Variants in ARHGAP26 observed in about 807,000 individuals in gnomAD.
The protein encoded by ARHGAP26 is Rho GTPase activating protein 26.
ARHGAP26 carries 38 observed loss-of-function variants against 104.8 expected under a neutral mutation model. That is an observed-to-expected ratio of 0.36 (90% CI 0.28 to 0.48). The LOEUF is 0.48. Among genes scored for constraint, ARHGAP26 ranks in the 20% least tolerant of loss-of-function variants. The pLI is 0.99. For synonymous variants in ARHGAP26, 341 were observed against 340.0 expected, an observed-to-expected ratio of 1.00 and a Z score of -0.03; for missense variants, 704 against 947.9, an observed-to-expected ratio of 0.74 and a Z score of 3.38.
intron 17 of ARHGAP26, among the ~76,000 whole-genome samples, chr5:143,109,979 C>G (rs1449572056): frequency 6.6e-6 from 1 of 152,192 alleles, no homozygotes; most frequent in Non-Finnish European, 1.5e-5. Context: ...TACTTGCCCT[C>G]TTGCTCTCTG....
At chr5:143,114,658 C>T (rs926028662) in intron 17 of ARHGAP26, among the ~76,000 whole-genome samples, 12 of 152,126 alleles carry the variant, frequency 7.9e-5, no homozygotes, top group Non-Finnish European at 1.3e-4. Context: ...ACCTATAATA[C>T]TTTCAGAATT....
chr5:143,024,286 G>A (rs1424824204), intron 12 of ARHGAP26, among the ~76,000 whole-genome samples: 1 of 152,050 alleles, frequency 6.6e-6, no homozygotes, highest in Non-Finnish European at 1.5e-5. Context: ...AAGCCTTTCT[G>A]CTTGTCCTAA....
chr5:143,033,783 C>G (rs1174759567), intron 12 of ARHGAP26, among the ~76,000 whole-genome samples: 1 of 145,956 alleles, frequency 6.9e-6, no homozygotes, highest in Non-Finnish European at 1.5e-5. Context: ...TTTTTCTCTC[C>G]CAGACTTCTT....
intron 17 of ARHGAP26, among the ~76,000 whole-genome samples, chr5:143,116,693 T>C (rs935562941): frequency 2.0e-5 from 3 of 152,160 alleles, no homozygotes; most frequent in Non-Finnish European, 4.4e-5. Flanking sequence ...GTGATTTACC[T>C]CCTTCTGCCT....
chr5:143,030,403 G>T (rs1164470807), intron 12 of ARHGAP26, among the ~76,000 whole-genome samples: 1 of 152,196 alleles, frequency 6.6e-6, no homozygotes, highest in Non-Finnish European at 1.5e-5. Flanking sequence ...AATGCAGGAG[G>T]TCTAAAAGTG....
At position 143,131,046 on chromosome 5, in the gene ARHGAP26, A is replaced by G. The variant is rs529456110; in HGVS notation, c.1699-2921A>G. Among the ~76,000 whole-genome samples, 14 of 152,314 alleles carry G rather than the reference A, an allele frequency of 9.2e-5. 1 individual carries two copies. In the South Asian group the frequency reaches 2.9e-3, roughly 32 times the overall value. On this transcript the variant is annotated intron_variant, in intron 18 of 22. Transcript: ENST00000645722. The stretch of plus-strand genomic sequence containing the variant: ...ACCCAGGGAACTGACCCTTGGGACT[A>G]TGGCTCTTGCCCATGGCAAAAATCT...
intron 10 of ARHGAP26, among the ~76,000 whole-genome samples, chr5:142,930,555 C>T (rs1253465894): frequency 6.6e-6 from 1 of 152,052 alleles, no homozygotes; most frequent in Non-Finnish European, 1.5e-5. Context: ...TCAACACGCC[C>T]ACTCATCTAG....
At chr5:142,851,899 TAGC>T (rs1347592222) in intron 1 of ARHGAP26, among the ~76,000 whole-genome samples, 4 of 152,192 alleles carry the variant, frequency 2.6e-5, no homozygotes, top group African/African-American at 9.7e-5. Context: ...CCTGAGGTCA[TAGC>T]AGGTTATTCA....
chr5:142,957,621 G>A (rs184712040), intron 11 of ARHGAP26, among the ~76,000 whole-genome samples: 2 of 152,330 alleles, frequency 1.3e-5, no homozygotes, highest in African/African-American at 4.8e-5. Context: ...TACGTAGTTT[G>A]ATCTAGATTT....
intron 7 of ARHGAP26, 75 bp downstream of exon 7, chr5:142,902,114 C>A: frequency 7.5e-7 from 1 of 1,330,138 alleles, no homozygotes; most frequent in Non-Finnish European, 1.1e-6. Flanking sequence ...GCCCTAGAAA[C>A]CATCCAGGTG....
chr5:142,906,429 C>A (rs1337274462), intron 8 of ARHGAP26, among the ~76,000 whole-genome samples: 1 of 152,184 alleles, frequency 6.6e-6, no homozygotes, highest in East Asian at 1.9e-4. Flanking sequence ...TTCCACCAAC[C>A]CCTCCACATT....
At position 142,873,449 on chromosome 5, in the gene ARHGAP26, A is replaced by G; in HGVS notation, c.204A>G (p.Lys68=). ...RKFADSLNEF[K]FQCIGDAETD... The stretch of plus-strand genomic sequence containing the variant: ...TTGCAGATTCCTTAAATGAATTTAA[A>G]TTTCAGTGCATAGGAGATGCAGAAA... Residue 68 remains lysine (K), a synonymous_variant, in exon 2 of 23, where the codon AAA becomes AAG. Transcript: ENST00000645722. 1.2e-6 allele frequency: 2 copies of G among 1,603,052 alleles called. No homozygotes were observed. The highest frequency in any genetic ancestry group is 3.5e-5 in the Admixed American group (2 of 56,482).
At chr5:143,050,797 G>A (rs1784896408) in intron 14 of ARHGAP26, among the ~76,000 whole-genome samples, 1 of 152,160 alleles carries the variant, frequency 6.6e-6, no homozygotes, top group African/African-American at 2.4e-5. Flanking sequence ...CTTGGATAGA[G>A]GATTGATCAT....
chr5:143,161,191 T>C (rs1801195792), intron 20 of ARHGAP26, among the ~76,000 whole-genome samples: 1 of 151,976 alleles, frequency 6.6e-6, no homozygotes, highest in African/African-American at 2.4e-5. Flanking sequence ...GTTGTATTTT[T>C]AGCAGAGACG....
At chr5:142,996,796 C>T (rs1405825118) in intron 11 of ARHGAP26, among the ~76,000 whole-genome samples, 2 of 151,962 alleles carry the variant, frequency 1.3e-5, no homozygotes, top group Non-Finnish European at 2.9e-5. Flanking sequence ...AGGTGGGGCA[C>T]CATCTGCATG....
At chr5:142,916,221 G>A (rs183242297) in intron 10 of ARHGAP26, among the ~76,000 whole-genome samples, 87 of 152,308 alleles carry the variant, frequency 5.7e-4, no homozygotes, top group Admixed American at 1.4e-3. Context: ...TGAAGTATGT[G>A]ACTTAGAATA....
chr5:143,013,420 T>C (rs1382703312), intron 11 of ARHGAP26, among the ~76,000 whole-genome samples: 1 of 152,250 alleles, frequency 6.6e-6, no homozygotes, highest in Admixed American at 6.5e-5. Flanking sequence ...GCATTTTCTT[T>C]TTCTTTATTG....
intron 11 of ARHGAP26, among the ~76,000 whole-genome samples, chr5:142,952,631 T>C (rs1768574830): frequency 6.6e-6 from 1 of 152,212 alleles, no homozygotes. Flanking sequence ...AAGGTACTTA[T>C]ATTTACTCTT....
chr5:142,916,954 C>T (rs1421552698), intron 10 of ARHGAP26, among the ~76,000 whole-genome samples: 1 of 151,940 alleles, frequency 6.6e-6, no homozygotes. Flanking sequence ...GTGGTGAGGC[C>T]GTTTACTCAG....
Sources: gnomAD v4.1 joint callset for allele counts (sites outside exome capture counted in the v4.1 genomes callset) on GRCh38, gnomAD v4.1.1 for gene constraint, MANE v1.5 for transcripts, NCBI Gene and HGNC (gene_info 2026-07-23, HGNC 2026-07-21) for gene names.